Variants in RXRA observed in about 807,000 individuals in gnomAD.
RXRA encodes the protein retinoid X receptor alpha.
In RXRA, 5 loss-of-function variants were observed where a neutral mutation model predicts 44.5. The observed-to-expected ratio is 0.11, with a 90% confidence interval of 0.06 to 0.24. RXRA has a LOEUF of 0.24. Ranked by LOEUF, RXRA falls within the 10% of genes least tolerant of loss-of-function variation. RXRA has a pLI of 1.00. For missense variants in RXRA, 412 were observed against 646.5 expected, an observed-to-expected ratio of 0.64 and a Z score of 3.93; for synonymous variants, 291 against 271.4, an observed-to-expected ratio of 1.07 and a Z score of -0.71.
chr9:134,360,359 C>T (rs528783390), intron 1 of RXRA, among the ~76,000 whole-genome samples: 9 of 152,292 alleles, frequency 5.9e-5, no homozygotes, highest in East Asian at 3.9e-4. Context: ...CCGCTGGTCA[C>T]GGGAGCCTGC....
At chr9:134,390,341 C>T (rs1280619043) in intron 1 of RXRA, among the ~76,000 whole-genome samples, 2 of 152,184 alleles carry the variant, frequency 1.3e-5, no homozygotes, top group African/African-American at 2.4e-5. Context: ...GGTCACTTGG[C>T]GGGAGGTCCA....
chr9:134,414,497 G>A (rs35478671), intron 4 of RXRA, among the ~76,000 whole-genome samples: 1,866 of 152,354 alleles, frequency 0.012, 39 homozygotes, highest in African/African-American at 0.043. Flanking sequence ...TGAGGGAGCC[G>A]AGGCACAGAG....
At position 134,433,006 on chromosome 9, in the gene RXRA, T is replaced by G. The variant is rs1163762085; in HGVS notation, c.1135+1010T>G. ...GTGGCTGGGGTGTGGAGGGAGAGGT[T>G]TGGGGCTGCTGTGGGGAGCTCACTT... On this transcript the variant is annotated intron_variant, in intron 8 of 9. Coordinates refer to ENST00000481739, the MANE Select transcript of RXRA (RefSeq NM_002957.6). This position sits in a 1 kb window ranked among gnomAD's most constrained non-coding sequence, Gnocchi z 4.2. Among the ~76,000 whole-genome samples the G allele has an allele frequency of 6.6e-6, 1 of 151,982 alleles. No homozygotes were observed. Among genetic ancestry groups the G allele is most frequent in the African/African-American group, 2.4e-5 (1 of 41,386 alleles).
chr9:134,435,137 C>T (rs1303112129), intron 9 of RXRA, among the ~76,000 whole-genome samples: 1 of 152,226 alleles, frequency 6.6e-6, no homozygotes, highest in Non-Finnish European at 1.5e-5. Flanking sequence ...GCCTTTAAAA[C>T]AAGGCCTGTG....
rs1383908613 is a variant in RXRA, at chr9:134,417,271, G to A, written c.724G>A (p.Val242Met). 3.7e-6 allele frequency: 6 copies of A among 1,613,924 alleles called. No individual in the cohort carries two copies. The highest frequency in any genetic ancestry group is 1.7e-4 in the Middle Eastern group (1 of 6,060). ...GAGGATCCTGGAGGCTGAGCTGGCC[G>A]TGGAGCCCAAGACCGAGACCTACGT... is the stretch of plus-strand genomic sequence containing the variant. The part of the protein sequence containing the change: ...VERILEAELA[V>M]EPKTETYVEA... The change falls in exon 5 of 10, where the codon GTG becomes ATG. Residue 242 changes from valine (V) to methionine (M), a missense_variant. Physicochemically the swap from Val to Met is conservative, Grantham distance 21. Coordinates refer to ENST00000481739, the MANE Select transcript of RXRA (RefSeq NM_002957.6). The surrounding 1 kb of genome is among the most constrained non-coding windows in gnomAD (Gnocchi z 6.1).
chr9:134,436,720 T>TTTG lies in RXRA; in HGVS notation c.*107_*109dup. 1 of 1,328,240 alleles carries TTTG rather than the reference T, an allele frequency of 7.5e-7. No homozygotes were observed. The highest frequency in any genetic ancestry group is 1.3e-5 in the South Asian group (1 of 75,208). The allele number at this position is 1,328,240 out of a possible 1,614,324, so 82.3% of individuals were successfully genotyped here. ...TCCCTGCCCTTCTCTGCCTGGCCTG[T>TTTG]TTGGACTTTGGGGCACAGCCTGTCA... On this transcript the variant is annotated 3_prime_UTR_variant, in exon 10 of 10. Coordinates refer to ENST00000481739, the MANE Select transcript of RXRA (RefSeq NM_002957.6).
chr9:134,384,252 G>A (rs1381217313), intron 1 of RXRA, among the ~76,000 whole-genome samples: 1 of 152,142 alleles, frequency 6.6e-6, no homozygotes, highest in African/African-American at 2.4e-5. Context: ...CCTCTTCAGT[G>A]TCACCCCTCG....
intron 1 of RXRA, among the ~76,000 whole-genome samples, chr9:134,345,414 C>T (rs1830137950): frequency 6.6e-6 from 1 of 152,166 alleles, no homozygotes; most frequent in African/African-American, 2.4e-5. Context: ...CACTTCAGGC[C>T]CTACCCTGGC....
chr9:134,409,254 G>T, intron 4 of RXRA, 135 bp downstream of exon 4: 1 of 909,596 alleles, frequency 1.1e-6, no homozygotes, highest in Non-Finnish European at 1.6e-6. Flanking sequence ...CAAGGCAGGA[G>T]TGGGGGCGGG....
rs576648099 is a variant in RXRA at position 134,407,259 on chromosome 9, G to A, written c.280-890G>A. On this transcript the variant is annotated intron_variant, in intron 2 of 9. Transcript: ENST00000481739. The surrounding 1 kb of genome is among the most constrained non-coding windows in gnomAD (Gnocchi z 4.8). ...TGAGAAGGGGGGATGGGATTTGGAG[G>A]CCTGAGGAAGGAAGGAGGGGAGCTT... Among the ~76,000 whole-genome samples the A allele has an allele frequency of 1.3e-5, 2 of 152,352 alleles. No homozygotes were observed. The highest frequency in any genetic ancestry group is 1.3e-4 in the Admixed American group (2 of 15,314).
At chr9:134,327,518 C>T (rs1834935162) in intron 1 of RXRA, among the ~76,000 whole-genome samples, 1 of 152,114 alleles carries the variant, frequency 6.6e-6, no homozygotes, top group African/African-American at 2.4e-5. Flanking sequence ...TAAATTAGCT[C>T]CGGGAAGGAT....
chr9:134,401,672 G>C lies in RXRA; in HGVS notation c.69G>C (p.Thr23=). ...TQVNSSLTSP[T]GRGSMAAPSL... ...TGAACTCCTCCCTCACCTCCCCGAC[G>C]GGGCGAGGCTCCATGGCTGCCCCCT... Residue 23 remains threonine (T), a synonymous_variant, in exon 2 of 10, where the codon ACG becomes ACC. Coordinates refer to ENST00000481739, the MANE Select transcript of RXRA (RefSeq NM_002957.6). The C allele has an allele frequency of 1.2e-6, 2 of 1,612,982 alleles. No individual in the cohort carries two copies. Among genetic ancestry groups the C allele is most frequent in the Non-Finnish European group, 1.7e-6 (2 of 1,179,924 alleles).
Position 134,439,180 on chromosome 9 carries a change from T to C in RXRA, c.*2566T>C, listed in dbSNP as rs982646403. On this transcript the variant is annotated 3_prime_UTR_variant, in exon 10 of 10. Transcript: ENST00000481739. ...GGGACAATCTTTAATTTTCTAAAGA[T>C]AGCACTAACATCAGCTCATTAGCCA... is the stretch of plus-strand genomic sequence containing the variant. 2.6e-5 allele frequency: 4 copies of C among 152,262 alleles called. No individual in the cohort carries two copies. Among genetic ancestry groups the C allele is most frequent in the African/African-American group, 9.6e-5 (4 of 41,468 alleles). 9.4% of individuals were successfully genotyped at this position (152,262 alleles called of 1,614,324 possible).
rs561248130 is a variant in RXRA, at chr9:134,422,586, C to T, written c.910+781C>T. On this transcript the variant is annotated intron_variant, in intron 6 of 9. Transcript: ENST00000481739. ...CCACTCCCGGGACACTCCCCTCTCC[C>T]GGGACACTCCCCGCTCCCAGGACGC... 68 of 1,122,632 alleles carry T rather than the reference C, an allele frequency of 6.1e-5. 1 individual carries two copies. Among genetic ancestry groups the T allele is most frequent in the East Asian group, 5.0e-4 (7 of 13,986 alleles). 69.5% of individuals were successfully genotyped at this position (1,122,632 alleles called of 1,614,324 possible).
chr9:134,352,761 C>G (rs995750088), intron 1 of RXRA, among the ~76,000 whole-genome samples: 1 of 152,144 alleles, frequency 6.6e-6, no homozygotes, highest in Non-Finnish European at 1.5e-5. Context: ...GCTGACGGCT[C>G]GCATGCCTGT....
rs138236671 is a variant in RXRA at position 134,362,874 on chromosome 9, C to T, written c.28+36215C>T. On this transcript the variant is annotated intron_variant, in intron 1 of 9. Coordinates refer to ENST00000481739, the MANE Select transcript of RXRA (RefSeq NM_002957.6). ...TCCTGCCTGTGTGTGCCCCCATGCC[C>T]GGGTCTGCACCAGCCTCACTCCCAC... Among the ~76,000 whole-genome samples the T allele has an allele frequency of 7.9e-5, 12 of 152,352 alleles. 1 individual carries two copies. Among genetic ancestry groups the T allele is most frequent in the South Asian group, 6.2e-4 (3 of 4,832 alleles).
At chr9:134,340,234 C>A (rs1554747965) in intron 1 of RXRA, among the ~76,000 whole-genome samples, 1 of 152,198 alleles carries the variant, frequency 6.6e-6, no homozygotes, top group African/African-American at 2.4e-5. Flanking sequence ...TGTCCGGCTC[C>A]CTCCTTAGCT....
At position 134,354,151 on chromosome 9, in the gene RXRA, C is replaced by T. The variant is rs567651350; in HGVS notation, c.28+27492C>T. Among the ~76,000 whole-genome samples the T allele has an allele frequency of 9.2e-5, 14 of 152,262 alleles. No individual in the cohort carries two copies. In the East Asian group the frequency reaches 2.3e-3, roughly 25 times the overall value. ...ACGGATGGGATGGGGTGCCTGGGTCCCAGCAGGCACCAGCAGGGAAGGTGG... is the reference window on the plus strand; with the variant it reads ...ACGGATGGGATGGGGTGCCTGGGTCTCAGCAGGCACCAGCAGGGAAGGTGG... On this transcript the variant is annotated intron_variant, in intron 1 of 9. Coordinates refer to ENST00000481739, the MANE Select transcript of RXRA (RefSeq NM_002957.6).
Position 134,366,000 on chromosome 9 carries a change from G to C in RXRA, c.29-35632G>C, listed in dbSNP as rs183461560. 6.6e-6 allele frequency among the ~76,000 whole-genome samples: 1 copy of C among 152,236 alleles called. No homozygotes were observed. Among genetic ancestry groups the C allele is most frequent in the Non-Finnish European group, 1.5e-5 (1 of 68,002 alleles). The stretch of plus-strand genomic sequence containing the variant: ...AGCCGCCTGTCTTTGCAGGAGCCGC[G>C]GGGATCATCTGGCGGCTGCCTCCAC... On this transcript the variant is annotated intron_variant, in intron 1 of 9. Coordinates refer to ENST00000481739, the MANE Select transcript of RXRA (RefSeq NM_002957.6). This position sits in a 1 kb window ranked among gnomAD's most constrained non-coding sequence, Gnocchi z 4.0.
Sources: allele counts gnomAD v4.1 joint callset (sites outside exome capture counted in the v4.1 genomes callset), GRCh38; gene constraint gnomAD v4.1.1; non-coding constraint Gnocchi (gnomAD v3.1); transcripts MANE v1.5; gene names NCBI Gene and HGNC (gene_info 2026-07-23, HGNC 2026-07-21).